ADCY7: variants seen among roughly 807,000 people sequenced by gnomAD.
The protein encoded by ADCY7 is adenylate cyclase 7.
In ADCY7, 72 loss-of-function variants were observed where a neutral mutation model predicts 120.6. That is an observed-to-expected ratio of 0.60 (90% confidence interval 0.49 to 0.73). The LOEUF (loss-of-function observed/expected upper bound fraction) is 0.73. Among genes scored for constraint, ADCY7 ranks in the 30% least tolerant of loss-of-function variants. The probability of loss-of-function intolerance (pLI) is 0.00; values close to 1 mark genes in which losing one functional copy is unlikely to be tolerated. For missense variants in ADCY7, 1,227 were observed against 1,486.0 expected (o/e 0.83, Z 2.87); for synonymous variants, 661 against 628.0 (o/e 1.05, Z -0.78).
chr16:50,278,997 G>A (rs1023871629), intron 1 of ADCY7, among the ~76,000 whole-genome samples: 3 of 151,936 alleles, frequency 2.0e-5, no homozygotes, highest in South Asian at 2.1e-4. Context: ...TCAGCCTCGC[G>A]AGTAGCTGGG....
intron 1 of ADCY7, among the ~76,000 whole-genome samples, chr16:50,277,668 G>GTTTTTT (rs755335071): frequency 2.6e-5 from 3 of 114,980 alleles, no homozygotes; most frequent in African/African-American, 9.7e-5. Context: ...ACCATGGTAG[G>GTTTTTT]TTTTTTTTTT....
chr16:50,276,002 C>T (rs1391045334), intron 1 of ADCY7, among the ~76,000 whole-genome samples: 7 of 152,196 alleles, frequency 4.6e-5, no homozygotes, highest in South Asian at 2.1e-4. Context: ...GCTCAGAGGT[C>T]GCAGAGCTTG....
intron 1 of ADCY7, among the ~76,000 whole-genome samples, chr16:50,276,331 G>T (rs1438023857): frequency 6.6e-6 from 1 of 152,234 alleles, no homozygotes; most frequent in Non-Finnish European, 1.5e-5. Context: ...CAGTGCTGCT[G>T]GCTCATGGCA....
In ADCY7 at chr16:50,300,811, G is replaced by A. The variant is rs2035664617; in HGVS notation, c.1173G>A (p.Gln391=). 1 of 1,556,412 alleles carries A rather than the reference G, an allele frequency of 6.4e-7. No homozygotes were observed. Among genetic ancestry groups the A allele is most frequent in the Admixed American group, 1.9e-5 (1 of 51,576 alleles). ...LCGVIGLRKW[Q]YDVWSHDVSL... ...GGGTCATCGGGCTGCGCAAGTGGCA[G>A]TATGACGTGTGGTCCCACGACGTGT... Residue 391 remains glutamine, a synonymous_variant, in exon 9 of 26, where the codon CAG becomes CAA. Transcript: ENST00000673801.
intron 1 of ADCY7, among the ~76,000 whole-genome samples, chr16:50,254,188 A>G (rs1409143819): frequency 6.6e-6 from 1 of 152,178 alleles, no homozygotes. Context: ...ACGTTTCATT[A>G]TGAACAAGCC....
chr16:50,311,125 G>A (rs1489986031), intron 19 of ADCY7, among the ~76,000 whole-genome samples: 1 of 152,170 alleles, frequency 6.6e-6, no homozygotes, highest in South Asian at 2.1e-4. Flanking sequence ...AGGGAAGGAG[G>A]CTGCAGCTCT....
In ADCY7 at chr16:50,316,480, G is replaced by C. The variant is rs2036805229; in HGVS notation, c.*975G>C. ...TTCTTACCAGAAAGGAATGGAGTCT[G>C]TTTAGAGACAACTTGGACAACCTGT... On this transcript the variant is annotated 3_prime_UTR_variant, in exon 26 of 26. Transcript: ENST00000673801. The C allele has an allele frequency of 6.6e-6, 1 of 152,350 alleles. No individual in the cohort carries two copies. The highest frequency in any genetic ancestry group is 1.5e-5 in the Non-Finnish European group (1 of 68,040). The allele number at this position is 152,350 out of a possible 1,614,324, so 9.4% of individuals were successfully genotyped here.
chr16:50,245,986 G>C (rs2032569839), upstream of ADCY7, among the ~76,000 whole-genome samples: 1 of 149,646 alleles, frequency 6.7e-6, no homozygotes, highest in African/African-American at 2.4e-5. Context: ...GGGCGGGGCG[G>C]GGACAGCTGC....
At chr16:50,260,474 C>G (rs890402635) in intron 1 of ADCY7, among the ~76,000 whole-genome samples, 2 of 152,202 alleles carry the variant, frequency 1.3e-5, no homozygotes, top group African/African-American at 4.8e-5. Flanking sequence ...GCTTCTCTCT[C>G]CATTTCTCTG....
intron 1 of ADCY7, among the ~76,000 whole-genome samples, chr16:50,255,056 TG>T (rs1228973886): frequency 1.5e-5 from 2 of 137,858 alleles, no homozygotes; most frequent in Non-Finnish European, 3.1e-5. Flanking sequence ...GAGGCTGAGG[TG>T]GGAGGATTGC....
Position 50,272,004 on chromosome 16 carries a change from C to T in ADCY7, c.-269+5324C>T, listed in dbSNP as rs141424245. Among the ~76,000 whole-genome samples, 403 of 152,310 alleles carry T rather than the reference C, an allele frequency of 2.6e-3. 3 individuals carry two copies. Among genetic ancestry groups the T allele is most frequent in the African/African-American group, 9.1e-3 (377 of 41,538 alleles). ...GCTGACCACTGGAAGGGTGAACCCA[C>T]GACTGGGCCTGAGGGAAAGGGAAGC... On this transcript the variant is annotated intron_variant, in intron 1 of 25. Coordinates refer to ENST00000673801, the MANE Select transcript of ADCY7 (RefSeq NM_001114.5).
intron 1 of ADCY7, among the ~76,000 whole-genome samples, chr16:50,267,934 A>C (rs1426649136): frequency 6.6e-6 from 1 of 151,494 alleles, no homozygotes; most frequent in Non-Finnish European, 1.5e-5. Flanking sequence ...CTGTCTTCCC[A>C]CCTCCAGAGG....
At chr16:50,258,887 C>T (rs191096016) in intron 1 of ADCY7, among the ~76,000 whole-genome samples, 10 of 152,278 alleles carry the variant, frequency 6.6e-5, no homozygotes, top group Middle Eastern at 3.4e-3. Context: ...TGAGCCACCA[C>T]GCCCAACCCT....
chr16:50,271,653 G>A (rs543800524), intron 1 of ADCY7, among the ~76,000 whole-genome samples: 1 of 152,186 alleles, frequency 6.6e-6, no homozygotes, highest in Admixed American at 6.5e-5. Flanking sequence ...ATCCACTCTG[G>A]GCCAGCCCCC....
In ADCY7 at chr16:50,304,341, T is replaced by C. The variant is rs200325663; in HGVS notation, c.1369-19T>C. On this transcript the variant is annotated intron_variant, in intron 10 of 25. Transcript: ENST00000673801. ...GAGGGGAGGAGGTGGCACAGGCCCATGTCCATGTCTGCCCGCAGAGCCAGC... is the reference window on the plus strand; with the variant it reads ...GAGGGGAGGAGGTGGCACAGGCCCACGTCCATGTCTGCCCGCAGAGCCAGC... The C allele has an allele frequency of 4.1e-6, 6 of 1,472,220 alleles. No homozygotes were observed. The highest frequency in any genetic ancestry group is 2.8e-5 in the African/African-American group (2 of 70,562). 91.2% of individuals were successfully genotyped at this position (1,472,220 alleles called of 1,614,324 possible). A position where few individuals can be genotyped will look rare whatever the true frequency, so the allele number is the denominator to read the frequency against.
At chr16:50,255,265 C>G (rs2032875881) in intron 1 of ADCY7, among the ~76,000 whole-genome samples, 1 of 151,048 alleles carries the variant, frequency 6.6e-6, no homozygotes, top group Non-Finnish European at 1.5e-5. Context: ...CCACTGTACA[C>G]CAGCCTAGGT....
chr16:50,303,199 C>T (rs1228290500), intron 10 of ADCY7, among the ~76,000 whole-genome samples: 8 of 152,090 alleles, frequency 5.3e-5, no homozygotes, highest in Non-Finnish European at 7.4e-5. Flanking sequence ...AGAAACGCAT[C>T]CACCCCCACC....
In ADCY7 at chr16:50,317,497, A is replaced by ATTTG. The variant is rs2036857524; in HGVS notation, c.*1996_*1999dup. Reference sequence around the variant, plus strand: ...GTCAGCATATTTGTACTCTTGGAATATTTGTTTTTTTCTTCAGTAACAACA... The same window carrying ATTTG: ...GTCAGCATATTTGTACTCTTGGAATATTTGTTTGTTTTTTTCTTCAGTAACAACA... On this transcript the variant is annotated 3_prime_UTR_variant, in exon 26 of 26. Transcript: ENST00000673801. 1 of 152,316 alleles carries ATTTG rather than the reference A, an allele frequency of 6.6e-6. No homozygotes were observed. Among genetic ancestry groups the ATTTG allele is most frequent in the Non-Finnish European group, 1.5e-5 (1 of 68,030 alleles). 9.4% of individuals were successfully genotyped at this position (152,316 alleles called of 1,614,324 possible).
At chr16:50,281,133 T>A (rs1215651986) in intron 1 of ADCY7, among the ~76,000 whole-genome samples, 1 of 152,202 alleles carries the variant, frequency 6.6e-6, no homozygotes, top group Non-Finnish European at 1.5e-5. Flanking sequence ...GCTCTGACCC[T>A]GCAGGGCTTC....
Sources: gnomAD v4.1 joint callset for allele counts (sites outside exome capture counted in the v4.1 genomes callset) on GRCh38, gnomAD v4.1.1 for gene constraint, MANE v1.5 for transcripts, NCBI Gene and HGNC (gene_info 2026-07-23, HGNC 2026-07-21) for gene names.